SHQ1: variants seen among roughly 807,000 people sequenced by gnomAD.
SHQ1 encodes the protein protein SHQ1 homolog.
A neutral mutation model predicts 53.8 loss-of-function variants in SHQ1; 49 were observed. The ratio of observed to expected loss-of-function variants is 0.91; its 90% confidence interval spans 0.72 to 1.16. The LOEUF (loss-of-function observed/expected upper bound fraction) is 1.16, where lower values mean the gene tolerates loss of function less well. Among genes scored for constraint, SHQ1 ranks in the 50% most tolerant of loss-of-function variants. SHQ1 has a pLI of 0.00. For synonymous variants in SHQ1, 243 were observed against 251.0 expected (o/e 0.97, Z 0.30); for missense variants, 738 against 683.1 (o/e 1.08, Z -0.90).
intron 2 of SHQ1, among the ~76,000 whole-genome samples, chr3:72,843,743 C>G (rs1487273023): frequency 1.3e-5 from 2 of 151,482 alleles, no homozygotes; most frequent in African/African-American, 4.9e-5. Context: ...GTCATTTAAC[C>G]CACCCCCCCA....
the SHQ1 span, among the ~76,000 whole-genome samples, chr3:72,728,082 G>A: frequency 1.2e-4 from 18 of 152,250 alleles, no homozygotes; most frequent in East Asian, 3.9e-4. Flanking sequence ...AGTTGTCCAC[G>A]ATGGCAACAC....
chr3:72,847,613 G>T lies in SHQ1; in HGVS notation c.143+585C>A, dbSNP rs558845480. On this transcript the variant is annotated intron_variant, in intron 1 of 10. Coordinates refer to ENST00000325599, the MANE Select transcript of SHQ1 (RefSeq NM_018130.3). ...GACAGACCCTCACGGAGACTTGGGG[G>T]AAACAACCACACTTCAGGGACAAAA... Among the ~76,000 whole-genome samples the T allele has an allele frequency of 2.6e-4, 40 of 152,200 alleles. 1 individual carries two copies. In the South Asian group the frequency reaches 7.9e-3, roughly 30 times the overall value.
intron 9 of SHQ1, chr3:72,795,508 A>G (rs868169596): frequency 1.3e-5 from 2 of 152,224 alleles, no homozygotes; most frequent in African/African-American, 4.8e-5. Context: ...GAATCAAGGA[A>G]CAACTGACCT....
chr3:72,767,668 C>G (rs1226652072), intron 10 of SHQ1, among the ~76,000 whole-genome samples: 1 of 152,210 alleles, frequency 6.6e-6, no homozygotes, highest in Non-Finnish European at 1.5e-5. Flanking sequence ...ATAATTAGAA[C>G]TGAAGAGTTG....
At chr3:72,740,308 T>A in the SHQ1 span, among the ~76,000 whole-genome samples, 4 of 152,162 alleles carry the variant, frequency 2.6e-5, no homozygotes, top group Non-Finnish European at 4.4e-5. Context: ...GATAATCTCT[T>A]TTCTGACAGA....
the SHQ1 span, among the ~76,000 whole-genome samples, chr3:72,733,350 A>T: frequency 6.6e-6 from 1 of 151,388 alleles, no homozygotes; most frequent in Non-Finnish European, 1.5e-5. Context: ...GAAATACAGA[A>T]CTCAATTCAA....
chr3:72,776,594 G>A (rs1705961593), intron 10 of SHQ1, among the ~76,000 whole-genome samples: 1 of 151,968 alleles, frequency 6.6e-6, no homozygotes, highest in Non-Finnish European at 1.5e-5. Flanking sequence ...TTTTAAAAAA[G>A]TATTTACATC....
At chr3:72,842,476 C>G (rs1708204288) in intron 2 of SHQ1, 74 bp from the exon 3 acceptor site, 10 of 1,392,460 alleles carry the variant, frequency 7.2e-6, no homozygotes, top group Non-Finnish European at 9.9e-6. Flanking sequence ...CACCAGTAAT[C>G]CCAATACTCT....
chr3:72,840,933 A>C, intron 4 of SHQ1, 112 bp downstream of exon 4: 1 of 1,269,754 alleles, frequency 7.9e-7, no homozygotes, highest in Non-Finnish European at 1.1e-6. Context: ...TTTAAATACA[A>C]TCACCTCCTG....
chr3:72,797,846 T>A (rs543817014), intron 9 of SHQ1, among the ~76,000 whole-genome samples: 77 of 152,362 alleles, frequency 5.1e-4, no homozygotes, highest in African/African-American at 1.7e-3. Context: ...TCACCGTAGA[T>A]GACTACAGCA....
At chr3:72,794,201 T>C (rs558017990) in intron 9 of SHQ1, 81 of 152,334 alleles carry the variant, frequency 5.3e-4, no homozygotes, top group African/African-American at 1.7e-3. Context: ...TGCACTTTCA[T>C]TGACATTTCC....
intron 10 of SHQ1, chr3:72,773,109 T>C: frequency 1.3e-6 from 1 of 776,370 alleles, no homozygotes; most frequent in Admixed American, 2.0e-5. Context: ...CCAAACTTCG[T>C]GAAATTGAGC....
chr3:72,746,220 T>G (rs1021822344), downstream of SHQ1, among the ~76,000 whole-genome samples: 2 of 152,186 alleles, frequency 1.3e-5, no homozygotes, highest in Non-Finnish European at 2.9e-5. Context: ...TGGGTTGAAT[T>G]GGAGGCTGCC....
chr3:72,732,114 G>A, the SHQ1 span, among the ~76,000 whole-genome samples: 1 of 151,580 alleles, frequency 6.6e-6, no homozygotes, highest in Non-Finnish European at 1.5e-5. Flanking sequence ...CAAGCAGATT[G>A]TAAATACACA....
intron 9 of SHQ1, among the ~76,000 whole-genome samples, chr3:72,810,156 A>G (rs772541592): frequency 6.6e-6 from 1 of 151,684 alleles, no homozygotes; most frequent in South Asian, 2.1e-4. Context: ...AAAAGGAGTC[A>G]TGTGCCCCAA....
the SHQ1 span, among the ~76,000 whole-genome samples, chr3:72,727,795 A>G: frequency 6.6e-6 from 1 of 152,154 alleles, no homozygotes; most frequent in Non-Finnish European, 1.5e-5. Flanking sequence ...CCTTGTGGGT[A>G]GTGGGATGGG....
intron 1 of SHQ1, among the ~76,000 whole-genome samples, chr3:72,847,790 C>T (rs1278763712): frequency 1.3e-5 from 2 of 152,012 alleles, no homozygotes; most frequent in African/African-American, 2.4e-5. Context: ...TTAAAAGGAC[C>T]GACGGGTTGG....
In SHQ1 at chr3:72,750,342, G is replaced by T. The variant is rs1398870513; in HGVS notation, c.1676C>A (p.Thr559Asn). The change falls in exon 11 of 11, where the codon ACT becomes AAT. Residue 559 changes from threonine (T) to asparagine (N), a missense_variant. Thr to Asn is a moderately conservative substitution (Grantham distance 65, BLOSUM62 0). Coordinates refer to ENST00000325599, the MANE Select transcript of SHQ1 (RefSeq NM_018130.3). ...TVQVSEPKGT[T>N]AVNRSNIQER... ...CTGAATATTGCTGCGGTTTACAGCA[G>T]TGGTGCCCTTGGGTTCAGAAACCTG... The T allele has an allele frequency of 1.9e-6, 3 of 1,614,084 alleles. No homozygotes were observed. The highest frequency in any genetic ancestry group is 1.7e-5 in the Admixed American group (1 of 60,012).
the SHQ1 span, among the ~76,000 whole-genome samples, chr3:72,726,007 G>C: frequency 6.6e-6 from 1 of 152,190 alleles, no homozygotes; most frequent in African/African-American, 2.4e-5. Flanking sequence ...GGGTGATGCA[G>C]CTATAGTCCC....
Sources: gnomAD v4.1 joint callset for allele counts (sites outside exome capture counted in the v4.1 genomes callset) on GRCh38, gnomAD v4.1.1 for gene constraint, MANE v1.5 for transcripts, NCBI Gene and HGNC (gene_info 2026-07-23, HGNC 2026-07-21) for gene names.